CFAP47: variants seen among roughly 807,000 people sequenced by gnomAD.
CFAP47 encodes cilia and flagella associated protein 47, also known as cilia- and flagella-associated protein 47.
CFAP47 carries 29 observed loss-of-function variants against 148.1 expected under a neutral mutation model. The ratio of observed to expected loss-of-function variants is 0.20; its 90% CI spans 0.15 to 0.27. The LOEUF is 0.27. Among genes scored for constraint, CFAP47 ranks in the 10% least tolerant of loss-of-function variants. The pLI, the probability that CFAP47 is intolerant of heterozygous loss-of-function variation, is 1.00. For missense variants in CFAP47, 1,872 were observed against 1,697.5 expected, an observed-to-expected ratio of 1.10 and a Z score of -1.81; for synonymous variants, 664 against 577.3, an observed-to-expected ratio of 1.15 and a Z score of -2.15.
At chrX:36,068,962 A>G (rs1304445700) in intron 27 of CFAP47, among the ~76,000 whole-genome samples, 1 of 109,646 alleles carries the variant, frequency 9.1e-6, no homozygotes, top group African/African-American at 3.3e-5. Context: ...AATTAAAAAA[A>G]AAAAAAAAAG....
At chrX:36,238,244 T>A (rs944787923) in intron 48 of CFAP47, among the ~76,000 whole-genome samples, 6 of 111,358 alleles carry the variant, frequency 5.4e-5, no homozygotes, top group African/African-American at 2.0e-4. Flanking sequence ...ATAAGTCTCA[T>A]GAGATCTGAT....
chrX:36,329,373 A>C (rs1941545824), intron 57 of CFAP47, among the ~76,000 whole-genome samples: 1 of 111,937 alleles, frequency 8.9e-6, no homozygotes, highest in African/African-American at 3.2e-5. Flanking sequence ...TGCACTCTTC[A>C]AAGGTGACAA....
At chrX:36,076,336 C>T (rs74317596) in intron 29 of CFAP47, among the ~76,000 whole-genome samples, 1 of 75,379 alleles carries the variant, frequency 1.3e-5, no homozygotes, top group Non-Finnish European at 2.5e-5. Context: ...CCCCTCCCCC[C>T]ACCCCACAAC....
intron 2 of CFAP47, among the ~76,000 whole-genome samples, chrX:35,930,022 C>CAA (rs377222472): frequency 9.3e-6 from 1 of 107,874 alleles, no homozygotes; most frequent in African/African-American, 3.4e-5. Context: ...AACAAACAAA[C>CAA]AAAAAAAAAC....
chrX:36,242,662 C>G lies in CFAP47; in HGVS notation c.7332+5803C>G, dbSNP rs369158187. Among the ~76,000 whole-genome samples the G allele has an allele frequency of 1.0e-3, 117 of 111,962 alleles. 2 individuals carry two copies. The South Asian group carries it at 0.04, about 38-fold the overall frequency. On this transcript the variant is annotated intron_variant, in intron 48 of 63. Transcript: ENST00000378653. ...GAATTTTAAAAGTTGAACAAAACCT[C>G]TGATAAAAATTAGATTATATAAAGA...
intron 1 of CFAP47, among the ~76,000 whole-genome samples, chrX:35,920,983 GCT>G (rs1935568726): frequency 1.8e-5 from 2 of 111,665 alleles, no homozygotes; most frequent in South Asian, 7.4e-4. Context: ...TCTAATTTTT[GCT>G]CTGTTAAAAA....
intron 51 of CFAP47, among the ~76,000 whole-genome samples, chrX:36,287,841 CTT>C (rs1941150210): frequency 8.9e-6 from 1 of 111,907 alleles, no homozygotes; most frequent in Admixed American, 9.5e-5. Flanking sequence ...AGTATGATCT[CTT>C]TTAAATAATG....
intron 51 of CFAP47, among the ~76,000 whole-genome samples, chrX:36,297,353 C>A (rs1218124075): frequency 1.8e-5 from 2 of 111,829 alleles, no homozygotes; most frequent in African/African-American, 3.2e-5. Flanking sequence ...TTTTTTGTCA[C>A]CCCTGTAACA....
chrX:36,289,477 G>GAA (rs1156237939), intron 51 of CFAP47, among the ~76,000 whole-genome samples: 1 of 110,435 alleles, frequency 9.1e-6, no homozygotes, highest in Non-Finnish European at 1.9e-5. Context: ...TTTTAATCCG[G>GAA]AAAAAATATC....
chrX:36,166,102 C>T (rs961408432), intron 39 of CFAP47, among the ~76,000 whole-genome samples: 2 of 111,593 alleles, frequency 1.8e-5, no homozygotes, highest in African/African-American at 6.5e-5. Flanking sequence ...CATTTGTTCG[C>T]ATGGATTGTT....
chrX:36,279,840 G>A (rs868962141), intron 49 of CFAP47, among the ~76,000 whole-genome samples: 2 of 110,346 alleles, frequency 1.8e-5, no homozygotes, highest in Middle Eastern at 4.7e-3. Context: ...AAGTAGCTGG[G>A]ATTACAGATG....
intron 22 of CFAP47, among the ~76,000 whole-genome samples, chrX:36,023,964 C>G (rs1357719287): frequency 8.9e-6 from 1 of 112,198 alleles, no homozygotes; most frequent in African/African-American, 3.2e-5. Context: ...TGTTGCTGAC[C>G]TGGTACCTAA....
intron 63 of CFAP47, among the ~76,000 whole-genome samples, chrX:36,383,250 C>T (rs1380241412): frequency 8.9e-6 from 1 of 111,741 alleles, no homozygotes; most frequent in African/African-American, 3.2e-5. Context: ...TTCAAAGTGT[C>T]TTGGCGAAGG....
Position 35,966,491 on chromosome X carries a change from T to G in CFAP47, c.1411-74T>G, listed in dbSNP as rs768478115. ...CTTTCCTTGAAATTTTATTAACTGGTTTTTTTTTTAGATTTGCTGTTAACT... is the reference window on the plus strand; with the variant it reads ...CTTTCCTTGAAATTTTATTAACTGGGTTTTTTTTTAGATTTGCTGTTAACT... On this transcript the variant is annotated intron_variant, in intron 8 of 63. Coordinates refer to ENST00000378653, the MANE Select transcript of CFAP47 (RefSeq NM_001304548.2). 27 of 538,629 alleles carry G rather than the reference T, an allele frequency of 5.0e-5. No homozygotes were observed. In the Admixed American group the frequency reaches 1.0e-3, roughly 21 times the overall value. The allele number at this position is 538,629 out of a possible 1,213,427, so 44.4% of individuals were successfully genotyped here.
intron 42 of CFAP47, among the ~76,000 whole-genome samples, chrX:36,191,767 T>C (rs1236962177): frequency 2.7e-5 from 3 of 110,119 alleles, no homozygotes; most frequent in African/African-American, 6.7e-5. Context: ...GCAGAATACC[T>C]GAGGTCAGGA....
At chrX:36,109,624 C>T (rs1232042325) in intron 33 of CFAP47, among the ~76,000 whole-genome samples, 3 of 110,738 alleles carry the variant, frequency 2.7e-5, no homozygotes, top group Non-Finnish European at 5.7e-5. Context: ...TACAGGCACA[C>T]GCTACCACGC....
chrX:36,083,388 C>G (rs1225587375), intron 29 of CFAP47, among the ~76,000 whole-genome samples: 1 of 110,416 alleles, frequency 9.1e-6, no homozygotes, highest in Admixed American at 9.7e-5. Context: ...ATGCTTTTCT[C>G]TTTGCAGCTT....
intron 57 of CFAP47, among the ~76,000 whole-genome samples, chrX:36,326,171 C>CA (rs1183363902): frequency 1.8e-5 from 2 of 111,287 alleles, no homozygotes; most frequent in Admixed American, 1.9e-4. Flanking sequence ...CTGTCCACTA[C>CA]TACAGCTTAT....
intron 30 of CFAP47, among the ~76,000 whole-genome samples, chrX:36,090,467 G>A (rs1003882366): frequency 4.5e-5 from 5 of 111,584 alleles, no homozygotes; most frequent in African/African-American, 1.6e-4. Flanking sequence ...TTTTGGCACA[G>A]CTCCCAGTAG....
Sources: allele counts gnomAD v4.1 joint callset (sites outside exome capture counted in the v4.1 genomes callset), GRCh38; gene constraint gnomAD v4.1.1; transcripts MANE v1.5; gene names NCBI Gene and HGNC (gene_info 2026-07-23, HGNC 2026-07-21).